KIF16B: variants seen among roughly 807,000 people sequenced by gnomAD.
KIF16B encodes kinesin-like protein KIF16B.
KIF16B carries 98 observed loss-of-function variants against 156.3 expected under a neutral mutation model. The observed-to-expected ratio is 0.63, with a 90% CI of 0.53 to 0.74. The LOEUF (loss-of-function observed/expected upper bound fraction) is 0.74, where lower values mean the gene tolerates loss of function less well. Among genes scored for constraint, KIF16B ranks in the 30% least tolerant of loss-of-function variants. KIF16B has a pLI of 0.00. For synonymous variants in KIF16B, 564 were observed against 583.7 expected (o/e 0.97, Z 0.49); for missense variants, 1,421 against 1,606.5 (o/e 0.88, Z 1.97).
chr20:16,458,642 G>A (rs906316033), intron 12 of KIF16B, among the ~76,000 whole-genome samples: 1 of 151,926 alleles, frequency 6.6e-6, no homozygotes, highest in African/African-American at 2.4e-5. Context: ...AGTCAACATA[G>A]GACTACTATC....
At chr20:16,540,229 C>A (rs189514271) in intron 1 of KIF16B, among the ~76,000 whole-genome samples, 1 of 152,164 alleles carries the variant, frequency 6.6e-6, no homozygotes, top group African/African-American at 2.4e-5. Context: ...GTCTATGATT[C>A]TAGATGCACA....
chr20:16,359,274 T>C (rs1185881202), intron 22 of KIF16B, among the ~76,000 whole-genome samples: 1 of 152,148 alleles, frequency 6.6e-6, no homozygotes, highest in African/African-American at 2.4e-5. Context: ...CCCTTATGGC[T>C]TGGTGCAGTC....
intron 22 of KIF16B, among the ~76,000 whole-genome samples, chr20:16,360,387 T>C (rs1382284534): frequency 6.6e-6 from 1 of 152,188 alleles, no homozygotes; most frequent in African/African-American, 2.4e-5. Context: ...AGCTTTTATA[T>C]TTCGATGGCA....
At chr20:16,331,074 G>T (rs2063939785) in intron 24 of KIF16B, among the ~76,000 whole-genome samples, 1 of 152,206 alleles carries the variant, frequency 6.6e-6, no homozygotes, top group African/African-American at 2.4e-5. Context: ...CAGGGAAACT[G>T]ACGCTGAGCA....
chr20:16,317,075 T>C (rs751052382), intron 24 of KIF16B, among the ~76,000 whole-genome samples: 65 of 152,378 alleles, frequency 4.3e-4, no homozygotes, highest in Non-Finnish European at 8.5e-4. Context: ...ATTTGATTTC[T>C]CACGTTAAAT....
chr20:16,433,355 C>T (rs998917892), intron 12 of KIF16B, among the ~76,000 whole-genome samples: 3 of 151,866 alleles, frequency 2.0e-5, no homozygotes, highest in African/African-American at 7.3e-5. Context: ...ACAATAACCC[C>T]CCACCCCCAA....
At chr20:16,452,221 CAA>C (rs2067100644) in intron 12 of KIF16B, among the ~76,000 whole-genome samples, 1 of 151,976 alleles carries the variant, frequency 6.6e-6, no homozygotes, top group Admixed American at 6.5e-5. Context: ...GGAAAGTGAA[CAA>C]AGAGTCCAGA....
intron 12 of KIF16B, among the ~76,000 whole-genome samples, chr20:16,491,851 A>G (rs1172124290): frequency 6.6e-6 from 1 of 152,182 alleles, no homozygotes; most frequent in Non-Finnish European, 1.5e-5. Flanking sequence ...CACGCAGGGC[A>G]AGGGAAGCCA....
intron 24 of KIF16B, among the ~76,000 whole-genome samples, chr20:16,322,751 G>GA (rs2063790343): frequency 6.6e-6 from 1 of 151,982 alleles, no homozygotes; most frequent in Admixed American, 6.6e-5. Context: ...AGGTCAGCCA[G>GA]TCTGCTGCCA....
At chr20:16,353,582 G>C (rs530280274) in intron 23 of KIF16B, among the ~76,000 whole-genome samples, 3 of 152,158 alleles carry the variant, frequency 2.0e-5, no homozygotes, top group Non-Finnish European at 4.4e-5. Context: ...CCCAATGAGG[G>C]GGGGGTTTAT....
intron 17 of KIF16B, among the ~76,000 whole-genome samples, chr20:16,394,765 C>T (rs548347899): frequency 6.6e-6 from 1 of 152,174 alleles, no homozygotes; most frequent in Non-Finnish European, 1.5e-5. Flanking sequence ...AAAGTAGCAG[C>T]GAGTGAGTGA....
chr20:16,495,450 G>A lies in KIF16B; in HGVS notation c.1243-1100C>T, dbSNP rs145909387. Among the ~76,000 whole-genome samples, 3 of 152,264 alleles carry A rather than the reference G, an allele frequency of 2.0e-5. No homozygotes were observed. In the East Asian group the frequency reaches 5.8e-4, roughly 29 times the overall value. On this transcript the variant is annotated intron_variant, in intron 11 of 25. Transcript: ENST00000354981. The stretch of plus-strand genomic sequence containing the variant: ...GTTATTGACAAATATCTGCAGTGAT[G>A]GTTTATCCAAGAGGAAAACCAAAAT...
At position 16,573,370 on chromosome 20, in the gene KIF16B, T is replaced by G; in HGVS notation, c.-95A>C. 2 of 1,337,884 alleles carry G rather than the reference T, an allele frequency of 1.5e-6. No individual in the cohort carries two copies. Among genetic ancestry groups the G allele is most frequent in the Non-Finnish European group, 2.1e-6 (2 of 959,910 alleles). 82.9% of individuals were successfully genotyped at this position (1,337,884 alleles called of 1,614,324 possible). On this transcript the variant is annotated 5_prime_UTR_variant, in exon 1 of 26. Coordinates refer to ENST00000354981, the MANE Select transcript of KIF16B (RefSeq NM_024704.5). ...TACTCAGATCGCGGCTCCCGCCCAC[T>G]TCCCTCTCGCCCCCGCCCCTCTGCT...
intron 17 of KIF16B, among the ~76,000 whole-genome samples, chr20:16,386,018 C>T (rs1266548748): frequency 1.3e-5 from 2 of 152,150 alleles, no homozygotes; most frequent in Non-Finnish European, 2.9e-5. Context: ...AAAGGGTCAT[C>T]CAACTGAGAC....
At chr20:16,460,763 T>G (rs911420725) in intron 12 of KIF16B, among the ~76,000 whole-genome samples, 1 of 151,926 alleles carries the variant, frequency 6.6e-6, no homozygotes, top group South Asian at 2.1e-4. Flanking sequence ...TGTTTATTAA[T>G]ACAAATATAG....
chr20:16,284,267 C>T (rs971323192), intron 25 of KIF16B, among the ~76,000 whole-genome samples: 1 of 152,250 alleles, frequency 6.6e-6, no homozygotes, highest in Non-Finnish European at 1.5e-5. Context: ...TCCAAGATTA[C>T]AGGTCCTACC....
intron 21 of KIF16B, 84 bp from the exon 22 acceptor site, chr20:16,370,720 G>T (rs1416290318): frequency 1.4e-5 from 14 of 977,356 alleles, no homozygotes; most frequent in South Asian, 1.4e-4. Context: ...AGTATTTATG[G>T]GAATGGAAAT....
intron 12 of KIF16B, among the ~76,000 whole-genome samples, chr20:16,459,566 T>C (rs924705606): frequency 1.3e-5 from 2 of 152,172 alleles, no homozygotes; most frequent in South Asian, 4.1e-4. Flanking sequence ...AGTCCAGGTC[T>C]TTGGTGGGGC....
At chr20:16,403,525 C>T (rs576764049) in intron 17 of KIF16B, among the ~76,000 whole-genome samples, 1 of 152,202 alleles carries the variant, frequency 6.6e-6, no homozygotes, top group East Asian at 1.9e-4. Flanking sequence ...AATGGAAAGA[C>T]CAAATAGGAA....
Sources: allele counts gnomAD v4.1 joint callset (sites outside exome capture counted in the v4.1 genomes callset), GRCh38; gene constraint gnomAD v4.1.1; transcripts MANE v1.5; gene names NCBI Gene and HGNC (gene_info 2026-07-23, HGNC 2026-07-21).